The following LPCAT1 variants were observed in gnomAD, a reference collection of about 807,000 sequenced individuals.
The protein encoded by LPCAT1 is 1-acylglycerol-3-phosphate O-acyltransferase.
A neutral mutation model predicts 60.9 loss-of-function variants in LPCAT1; 23 were observed. The observed-to-expected ratio is 0.38, with a 90% CI of 0.27 to 0.53. LPCAT1 has a LOEUF of 0.53. LPCAT1 is among the 20% of genes least tolerant of loss of function. LPCAT1 has a pLI of 0.82. For missense variants in LPCAT1, 622 were observed against 723.6 expected, an observed-to-expected ratio of 0.86 and a Z score of 1.61; for synonymous variants, 340 against 301.1, an observed-to-expected ratio of 1.13 and a Z score of -1.34.
chr5:1,483,999 C>T lies in LPCAT1; in HGVS notation c.668-513G>A, dbSNP rs1560967664. Among the ~76,000 whole-genome samples the T allele has an allele frequency of 6.6e-6, 1 of 152,266 alleles. No homozygotes were observed. Among genetic ancestry groups the T allele is most frequent in the Admixed American group, 6.5e-5 (1 of 15,288 alleles). The stretch of plus-strand genomic sequence containing the variant: ...CTCATCACCGGCCAATGCTCACCCA[C>T]CTGACGGGGTTAGGGTCTGCCCTCA... On this transcript the variant is annotated intron_variant, in intron 5 of 13. Transcript: ENST00000283415. The surrounding 1 kb of genome is among the most constrained non-coding windows in gnomAD (Gnocchi z 9.2).
rs554052109 is a variant in LPCAT1, at chr5:1,499,776, C to G, written c.278+1685G>C. Among the ~76,000 whole-genome samples the G allele has an allele frequency of 7.9e-5, 12 of 152,338 alleles. No homozygotes were observed. The East Asian group carries it at 2.1e-3, about 27-fold the overall frequency. On this transcript the variant is annotated intron_variant, in intron 2 of 13. Transcript: ENST00000283415. ...ACCATGTCTGCACGCAACGGTGCGG[C>G]AAACCCGGGACCCTAAGTGGCCGTC...
rs1281113726 is a variant in LPCAT1, at chr5:1,463,001, T to A, written c.*650A>T. 2 of 149,756 alleles carry A rather than the reference T, an allele frequency of 1.3e-5. No homozygotes were observed. The highest frequency in any genetic ancestry group is 4.9e-5 in the African/African-American group (2 of 40,414). The allele number at this position is 149,756 out of a possible 1,614,324, so 9.3% of individuals were successfully genotyped here. ...AAGTCAAAGCCCAAACAGCCTCAGA[T>A]TCTATATTAAAAAAAAAAAGGCCTA... On this transcript the variant is annotated 3_prime_UTR_variant, in exon 14 of 14. Coordinates refer to ENST00000283415, the MANE Select transcript of LPCAT1 (RefSeq NM_024830.5).
intron 1 of LPCAT1, among the ~76,000 whole-genome samples, chr5:1,520,302 T>G (rs995007531): frequency 5.3e-5 from 8 of 152,152 alleles, no homozygotes; most frequent in African/African-American, 1.9e-4. Flanking sequence ...TATAAAAATG[T>G]GGAGAAAAAG....
chr5:1,476,321 T>G lies in LPCAT1; in HGVS notation c.899+1083A>C, dbSNP rs1734916086. Among the ~76,000 whole-genome samples, 1 of 151,882 alleles carries G rather than the reference T, an allele frequency of 6.6e-6. No homozygotes were observed. Among genetic ancestry groups the G allele is most frequent in the South Asian group, 2.1e-4 (1 of 4,816 alleles). On this transcript the variant is annotated intron_variant, in intron 9 of 13. Coordinates refer to ENST00000283415, the MANE Select transcript of LPCAT1 (RefSeq NM_024830.5). This position sits in a 1 kb window ranked among gnomAD's most constrained non-coding sequence, Gnocchi z 8.6. The stretch of plus-strand genomic sequence containing the variant: ...AGAGCTGCCTGTGGTGGGGGTTGAG[T>G]GGAGCTTTGCGGGACAGAGACTGCC...
Position 1,462,904 on chromosome 5 carries a change from A to C in LPCAT1, c.*747T>G, listed in dbSNP as rs1157514076. On this transcript the variant is annotated 3_prime_UTR_variant, in exon 14 of 14. Coordinates refer to ENST00000283415, the MANE Select transcript of LPCAT1 (RefSeq NM_024830.5). ...AAAGTGTTTTGGGGCTAGGCCCTTG[A>C]GTTCACACCTCCCCAGGGGACCCAG... The C allele has an allele frequency of 6.6e-6, 1 of 152,104 alleles. No homozygotes were observed. Among genetic ancestry groups the C allele is most frequent in the African/African-American group, 2.4e-5 (1 of 41,416 alleles). The allele number at this position is 152,104 out of a possible 1,614,324, so 9.4% of individuals were successfully genotyped here.
intron 1 of LPCAT1, among the ~76,000 whole-genome samples, chr5:1,505,287 C>T (rs1488989037): frequency 2.6e-5 from 4 of 151,552 alleles, no homozygotes; most frequent in Admixed American, 6.6e-5. Flanking sequence ...GAAACAGCAC[C>T]GACTGCAACA....
At chr5:1,468,358 A>T (rs1734525914) in intron 12 of LPCAT1, among the ~76,000 whole-genome samples, 2 of 152,318 alleles carry the variant, frequency 1.3e-5, no homozygotes, top group African/African-American at 4.8e-5. Context: ...GGAGCCTCAG[A>T]ACGGGCCGGG....
rs1736698374 is a variant in LPCAT1, at chr5:1,522,238, G to A, written c.135+1472C>T. On this transcript the variant is annotated intron_variant, in intron 1 of 13. Coordinates refer to ENST00000283415, the MANE Select transcript of LPCAT1 (RefSeq NM_024830.5). This position sits in a 1 kb window ranked among gnomAD's most constrained non-coding sequence, Gnocchi z 6.8. ...GCCTGCTGGGAGTGACTCAGGGAGAGTGACCAGGGAGAGAGCCTGGTGGCT... is the reference window on the plus strand; with the variant it reads ...GCCTGCTGGGAGTGACTCAGGGAGAATGACCAGGGAGAGAGCCTGGTGGCT... 6.6e-6 allele frequency among the ~76,000 whole-genome samples: 1 copy of A among 152,352 alleles called. No homozygotes were observed. Among genetic ancestry groups the A allele is most frequent in the East Asian group, 1.9e-4 (1 of 5,184 alleles).
At chr5:1,471,661 C>G (rs988194334) in intron 11 of LPCAT1, among the ~76,000 whole-genome samples, 3 of 150,176 alleles carry the variant, frequency 2.0e-5, no homozygotes, top group Non-Finnish European at 4.4e-5. Context: ...ACTCCCTGGT[C>G]AGAGAGCAGG....
Position 1,463,484 on chromosome 5 carries a change from T to C in LPCAT1, c.*167A>G, listed in dbSNP as rs1734191426. On this transcript the variant is annotated 3_prime_UTR_variant, in exon 14 of 14. Transcript: ENST00000283415. The stretch of plus-strand genomic sequence containing the variant: ...AGTAAGCGTCGGTTCTGCAACACAC[T>C]TCACAAAGGAACAAGATACAAACAG... 1.1e-5 allele frequency: 8 copies of C among 715,980 alleles called. No individual in the cohort carries two copies. Among genetic ancestry groups the C allele is most frequent in the Non-Finnish European group, 1.8e-5 (8 of 442,536 alleles). 44.4% of individuals were successfully genotyped at this position (715,980 alleles called of 1,614,324 possible). A position where few individuals can be genotyped will look rare whatever the true frequency, so the allele number is the denominator to read the frequency against.
chr5:1,501,611 CAG>C lies in LPCAT1; in HGVS notation c.136-10_136-9del, dbSNP rs1228490153. The C allele has an allele frequency of 6.2e-7, 1 of 1,613,516 alleles. No homozygotes were observed. Among genetic ancestry groups the C allele is most frequent in the African/African-American group, 1.3e-5 (1 of 75,002 alleles). ...CAGTGTCATGAGGGCCACCTGCAGA[CAG>C]AGGGGGGCATTATCCAGAGAATCCA... is the stretch of plus-strand genomic sequence containing the variant. On this transcript the variant is annotated splice_polypyrimidine_tract_variant and intron_variant, in intron 1 of 13. Coordinates refer to ENST00000283415, the MANE Select transcript of LPCAT1 (RefSeq NM_024830.5).
intron 1 of LPCAT1, among the ~76,000 whole-genome samples, chr5:1,517,946 G>A (rs1236378549): frequency 1.3e-5 from 2 of 152,286 alleles, no homozygotes; most frequent in African/African-American, 4.8e-5. Flanking sequence ...TCTGAACGCA[G>A]CTGTGGGCCG....
Position 1,474,445 on chromosome 5 carries a change from GAAT to G in LPCAT1, c.1025+112_1025+114del. 10 of 1,308,570 alleles carry G rather than the reference GAAT, an allele frequency of 7.6e-6. No homozygotes were observed. In the South Asian group the frequency reaches 1.5e-4, roughly 19 times the overall value. The allele number at this position is 1,308,570 out of a possible 1,614,324, so 81.1% of individuals were successfully genotyped here. ...TTAAGTTGATATTTGAAAAAAGCCA[GAAT>G]AATTAATAATTATCTCCTCAGTTCC... On this transcript the variant is annotated intron_variant, in intron 10 of 13. Coordinates refer to ENST00000283415, the MANE Select transcript of LPCAT1 (RefSeq NM_024830.5).
At chr5:1,491,907 A>T (rs766137644) in intron 3 of LPCAT1, among the ~76,000 whole-genome samples, 2 of 152,270 alleles carry the variant, frequency 1.3e-5, no homozygotes, top group African/African-American at 4.8e-5. Flanking sequence ...TCTCTTCAAC[A>T]AAGTTGTGAG....
intron 1 of LPCAT1, among the ~76,000 whole-genome samples, chr5:1,509,772 C>T (rs114445461): frequency 0.01 from 1,599 of 152,314 alleles, 22 homozygotes; most frequent in African/African-American, 0.036. Context: ...ACAATGAATT[C>T]TCATAGTTAA....
chr5:1,498,263 T>G (rs1012640065), intron 2 of LPCAT1, among the ~76,000 whole-genome samples: 7 of 152,184 alleles, frequency 4.6e-5, no homozygotes, highest in East Asian at 1.9e-4. Flanking sequence ...CTAACTACGG[T>G]GCTTTTGTGA....
chr5:1,523,739 G>T lies in LPCAT1; in HGVS notation c.106C>A (p.Leu36Met). Residue 36 changes from leucine (L) to methionine (M), a missense_variant, in exon 1 of 14, where the codon CTG becomes ATG. Physicochemically the swap from Leu to Met is conservative, Grantham distance 15. Coordinates refer to ENST00000283415, the MANE Select transcript of LPCAT1 (RefSeq NM_024830.5). This position sits in a 1 kb window ranked among gnomAD's most constrained non-coding sequence, Gnocchi z 7.1. ...GCCTTCTGCAGGGCGCTGAGGCGCA[G>T]CTCGTGCACGAAGGGGTTCCGCCCC... The part of the protein sequence containing the change: ...PPGRNPFVHE[L>M]RLSALQKAQV... 8.5e-7 allele frequency: 1 copy of T among 1,176,128 alleles called. No individual in the cohort carries two copies. The highest frequency in any genetic ancestry group is 1.1e-6 in the Non-Finnish European group (1 of 944,752). 72.9% of individuals were successfully genotyped at this position (1,176,128 alleles called of 1,614,324 possible).
chr5:1,466,998 C>A, intron 12 of LPCAT1, 108 bp from the exon 13 acceptor site: 1 of 1,224,310 alleles, frequency 8.2e-7, no homozygotes, highest in African/African-American at 1.5e-5. Flanking sequence ...AGCTGCTGGG[C>A]ACCTGCAGGG....
intron 4 of LPCAT1, 79 bp from the exon 5 acceptor site, chr5:1,488,530 C>A (rs1190703956): frequency 2.0e-6 from 2 of 978,502 alleles, no homozygotes; most frequent in East Asian, 2.4e-5. Flanking sequence ...CCAATCTTCA[C>A]AATATATTTT....
Sources: gnomAD v4.1 joint callset for allele counts (sites outside exome capture counted in the v4.1 genomes callset) on GRCh38, gnomAD v4.1.1 for gene constraint, Gnocchi (gnomAD v3.1) non-coding constraint, MANE v1.5 for transcripts, NCBI Gene and HGNC (gene_info 2026-07-23, HGNC 2026-07-21) for gene names.